The following ERC2 variants were observed in gnomAD, a reference collection of about 807,000 sequenced individuals.
The protein encoded by ERC2 is ERC protein 2.
In ERC2, 42 loss-of-function variants were observed where a neutral mutation model predicts 114.8. The observed-to-expected ratio is 0.37, with a 90% CI of 0.29 to 0.47. The LOEUF is 0.47. Among genes scored for constraint, ERC2 ranks in the 20% least tolerant of loss-of-function variants. ERC2 has a pLI of 0.99. For synonymous variants in ERC2, 454 were observed against 425.5 expected (o/e 1.07, Z -0.82); for missense variants, 939 against 1,150.7 (o/e 0.82, Z 2.66).
At chr3:55,739,379 G>C (rs562467688) in intron 14 of ERC2, among the ~76,000 whole-genome samples, 1 of 152,330 alleles carries the variant, frequency 6.6e-6, no homozygotes, top group South Asian at 2.1e-4. Context: ...CCCACCAACA[G>C]TGCAAAAGCC....
intron 17 of ERC2, among the ~76,000 whole-genome samples, chr3:55,598,472 A>G (rs2058251477): frequency 6.6e-6 from 1 of 152,264 alleles, no homozygotes; most frequent in Admixed American, 6.5e-5. Context: ...AGATTACTCC[A>G]TTAAAGCACT....
chr3:55,611,572 A>T (rs2058910693), intron 17 of ERC2, among the ~76,000 whole-genome samples: 1 of 152,152 alleles, frequency 6.6e-6, no homozygotes, highest in African/African-American at 2.4e-5. Flanking sequence ...GAGGCCTATT[A>T]GGGGAGTTCA....
rs1000355671 is a variant in ERC2 at position 55,555,777 on chromosome 3, G to A, written c.*40-44501C>T. ...AGAGAAGCAGATTAATCAGCAACCTGTGCTCAGCTCTAGAGTGTCTCCAGG... is the reference window on the plus strand; with the variant it reads ...AGAGAAGCAGATTAATCAGCAACCTATGCTCAGCTCTAGAGTGTCTCCAGG... On this transcript the variant is annotated intron_variant, in intron 17 of 17. Coordinates refer to ENST00000288221, the MANE Select transcript of ERC2 (RefSeq NM_015576.3). Among the ~76,000 whole-genome samples, 11 of 152,176 alleles carry A rather than the reference G, an allele frequency of 7.2e-5. 1 individual carries two copies. Among genetic ancestry groups the A allele is most frequent in the Non-Finnish European group, 1.5e-4 (10 of 68,044 alleles).
chr3:55,519,727 T>G (rs1270187945), intron 17 of ERC2, among the ~76,000 whole-genome samples: 1 of 152,112 alleles, frequency 6.6e-6, no homozygotes, highest in Non-Finnish European at 1.5e-5. Context: ...TCTGGAAACA[T>G]TCTCCTAGTT....
At chr3:56,032,063 C>T (rs563451450) in intron 7 of ERC2, among the ~76,000 whole-genome samples, 37 of 152,282 alleles carry the variant, frequency 2.4e-4, no homozygotes, top group African/African-American at 8.4e-4. Flanking sequence ...TGCCACCTCC[C>T]TCTTCTCTCT....
intron 14 of ERC2, among the ~76,000 whole-genome samples, chr3:55,787,043 A>G (rs2069561756): frequency 6.6e-6 from 1 of 152,192 alleles, no homozygotes. Flanking sequence ...AGCTTTCCTA[A>G]TTACTATCTG....
intron 3 of ERC2, among the ~76,000 whole-genome samples, chr3:56,280,552 ATG>A (rs1392315669): frequency 1.3e-5 from 2 of 152,122 alleles, no homozygotes; most frequent in African/African-American, 4.8e-5. Context: ...TAATCCCAAT[ATG>A]TTTCTGCAAC....
intron 2 of ERC2, among the ~76,000 whole-genome samples, chr3:56,368,026 A>G (rs1274279082): frequency 3.3e-5 from 5 of 151,764 alleles, no homozygotes. Context: ...CAATAAAAGT[A>G]GACTTGACCA....
intron 2 of ERC2, among the ~76,000 whole-genome samples, chr3:56,373,452 G>A (rs954068284): frequency 3.9e-5 from 6 of 152,168 alleles, no homozygotes; most frequent in Middle Eastern, 6.3e-3. Context: ...TTTGAATACA[G>A]GATATGAACA....
chr3:55,613,998 AAAAAAAAAAAAAAAAG>A (rs2059019320), intron 17 of ERC2, among the ~76,000 whole-genome samples: 1 of 150,300 alleles, frequency 6.7e-6, no homozygotes, highest in African/African-American at 2.4e-5. Flanking sequence ...AAAAAAAAAA[AAAAAAAAAAAAAAAAG>A]AAGACATGGC....
intron 2 of ERC2, among the ~76,000 whole-genome samples, chr3:56,384,987 A>G (rs1473496224): frequency 6.6e-6 from 1 of 152,072 alleles, no homozygotes; most frequent in Non-Finnish European, 1.5e-5. Context: ...AAATTACTGG[A>G]TCATATATGT....
At chr3:56,292,888 C>T in intron 3 of ERC2, among the ~76,000 whole-genome samples, 1 of 152,144 alleles carries the variant, frequency 6.6e-6, no homozygotes, top group Non-Finnish European at 1.5e-5. Context: ...CCCTGACAAC[C>T]CAACATAAAA....
At chr3:55,815,732 G>T (rs943414093) in intron 14 of ERC2, among the ~76,000 whole-genome samples, 1 of 152,160 alleles carries the variant, frequency 6.6e-6, no homozygotes, top group African/African-American at 2.4e-5. Context: ...TAACGCGGGG[G>T]ATTCCCCAGA....
chr3:55,796,697 T>C (rs1456587271), intron 14 of ERC2, among the ~76,000 whole-genome samples: 1 of 152,204 alleles, frequency 6.6e-6, no homozygotes, highest in Non-Finnish European at 1.5e-5. Flanking sequence ...AGTGCTGGGA[T>C]TACAGGCATG....
rs192123153 is a variant in ERC2, at chr3:55,689,955, C to A, written c.2848-6096G>T. 3.4e-4 allele frequency among the ~76,000 whole-genome samples: 52 copies of A among 152,296 alleles called. 2 individuals carry two copies. In the East Asian group the frequency reaches 9.3e-3, roughly 27 times the overall value. On this transcript the variant is annotated intron_variant, in intron 16 of 17. Transcript: ENST00000288221. ...CTTAGACCAATATAACTAGACATAT[C>A]ATCCCTGTTGGTAGCATTAAGAGTT...
At chr3:56,368,571 T>C (rs1387103421) in intron 2 of ERC2, among the ~76,000 whole-genome samples, 2 of 152,220 alleles carry the variant, frequency 1.3e-5, no homozygotes, top group Admixed American at 6.5e-5. Context: ...TTAGTCCTTA[T>C]GGCCATGCAA....
chr3:55,713,830 T>C (rs567689606), intron 15 of ERC2, among the ~76,000 whole-genome samples: 85 of 152,266 alleles, frequency 5.6e-4, no homozygotes, highest in African/African-American at 2.0e-3. Flanking sequence ...TATTTCTCCA[T>C]GTGGTAAAAA....
chr3:55,746,891 G>A (rs1322134663), intron 14 of ERC2, among the ~76,000 whole-genome samples: 1 of 152,176 alleles, frequency 6.6e-6, no homozygotes, highest in South Asian at 2.1e-4. Context: ...CATTTTGGGA[G>A]GGTGAAGGAA....
chr3:55,712,147 G>A (rs942874713), intron 15 of ERC2, among the ~76,000 whole-genome samples: 1 of 151,878 alleles, frequency 6.6e-6, no homozygotes, highest in Non-Finnish European at 1.5e-5. Context: ...TTTTTCCCAC[G>A]TTTCTTCTTG....
Sources: gnomAD v4.1 joint callset for allele counts (sites outside exome capture counted in the v4.1 genomes callset) on GRCh38, gnomAD v4.1.1 for gene constraint, MANE v1.5 for transcripts, NCBI Gene and HGNC (gene_info 2026-07-23, HGNC 2026-07-21) for gene names.